The following NEDD4L variants were observed in gnomAD, a reference collection of about 807,000 sequenced individuals.
NEDD4L encodes the protein E3 ubiquitin-protein ligase NEDD4-like.
Under a neutral mutation model 148.9 loss-of-function variants are expected in NEDD4L, and 54 were observed. The ratio of observed to expected loss-of-function variants is 0.36; its 90% CI spans 0.29 to 0.45. The LOEUF (loss-of-function observed/expected upper bound fraction) is 0.45, where lower values mean the gene tolerates loss of function less well. NEDD4L is among the 20% of genes least tolerant of loss of function. The pLI, the probability that NEDD4L is intolerant of heterozygous loss-of-function variation, is 1.00. For synonymous variants in NEDD4L, 433 were observed against 440.7 expected (o/e 0.98, Z 0.22); for missense variants, 856 against 1,233.8 (o/e 0.69, Z 4.59).
chr18:58,391,477 T>C lies in NEDD4L; in HGVS notation c.2753-10T>C. Reference sequence around the variant, plus strand: ...GCAATCTTAACATTTCTTTTTCTTTTCTTGTCTAGGTTCCAATGGTCCTCA... The same window carrying C: ...GCAATCTTAACATTTCTTTTTCTTTCCTTGTCTAGGTTCCAATGGTCCTCA... On this transcript the variant is annotated splice_polypyrimidine_tract_variant and intron_variant, in intron 29 of 30. Transcript: ENST00000400345. The C allele has an allele frequency of 6.4e-7, 1 of 1,564,586 alleles. No individual in the cohort carries two copies.
intron 13 of NEDD4L, among the ~76,000 whole-genome samples, chr18:58,340,556 C>T (rs2145134895): frequency 6.6e-6 from 1 of 152,264 alleles, no homozygotes; most frequent in African/African-American, 2.4e-5. Flanking sequence ...CCAGAAGCTA[C>T]AGTGTTAGGG....
In NEDD4L at chr18:58,101,356, C is replaced by T. The variant is rs182547464; in HGVS notation, c.48+56648C>T. Among the ~76,000 whole-genome samples the T allele has an allele frequency of 1.7e-3, 264 of 152,288 alleles. 1 individual carries two copies. Among genetic ancestry groups the T allele is most frequent in the African/African-American group, 6.0e-3 (250 of 41,558 alleles). On this transcript the variant is annotated intron_variant, in intron 1 of 30. Transcript: ENST00000400345. ...GTGTTTCTCTGAGGGCGATGTCCTCCTCAGGGTCTGTGAATGGCTGAACTC... is the reference window on the plus strand; with the variant it reads ...GTGTTTCTCTGAGGGCGATGTCCTCTTCAGGGTCTGTGAATGGCTGAACTC...
At chr18:58,360,142 A>G (rs1345394439) in intron 19 of NEDD4L, 2 of 152,100 alleles carry the variant, frequency 1.3e-5, no homozygotes, top group East Asian at 3.8e-4. Context: ...TGTGTCTTAG[A>G]TGTTTTACAA....
At chr18:58,278,778 A>G (rs1324508265) in intron 5 of NEDD4L, among the ~76,000 whole-genome samples, 3 of 152,200 alleles carry the variant, frequency 2.0e-5, no homozygotes, top group South Asian at 2.1e-4. Context: ...TGTCATATCT[A>G]TCTCAAACTA....
At chr18:58,279,834 A>G (rs566723621) in intron 5 of NEDD4L, among the ~76,000 whole-genome samples, 224 of 152,352 alleles carry the variant, frequency 1.5e-3, no homozygotes, top group African/African-American at 5.1e-3. Flanking sequence ...CTGAATGTAC[A>G]TTAGACACAA....
intron 1 of NEDD4L, among the ~76,000 whole-genome samples, chr18:58,049,943 T>C (rs1236569885): frequency 7.5e-6 from 1 of 133,528 alleles, no homozygotes; most frequent in Non-Finnish European, 1.5e-5. Flanking sequence ...GCCACTGCAC[T>C]CTAGCCTGGG....
At chr18:58,094,415 G>C in intron 1 of NEDD4L, among the ~76,000 whole-genome samples, 1 of 151,846 alleles carries the variant, frequency 6.6e-6, no homozygotes, top group East Asian at 1.9e-4. Flanking sequence ...TCGAGCTCCC[G>C]GGCTCAAGCG....
At chr18:58,376,852 C>A (rs569662403) in intron 24 of NEDD4L, among the ~76,000 whole-genome samples, 1 of 152,188 alleles carries the variant, frequency 6.6e-6, no homozygotes, top group Non-Finnish European at 1.5e-5. Context: ...AATCACAGGC[C>A]CCACTGGGCT....
intron 1 of NEDD4L, chr18:58,045,993 G>A (rs2081561694): frequency 6.6e-6 from 1 of 151,860 alleles, no homozygotes; most frequent in Non-Finnish European, 1.5e-5. Flanking sequence ...ACCCTGGCAT[G>A]GTGTGTGTGT....
intron 1 of NEDD4L, among the ~76,000 whole-genome samples, chr18:58,126,571 G>A (rs1359076574): frequency 1.3e-5 from 2 of 152,106 alleles, no homozygotes; most frequent in African/African-American, 4.8e-5. Flanking sequence ...TCTACTTTTT[G>A]GTAGAATGAT....
At chr18:58,233,359 G>A (rs1224343987) in intron 2 of NEDD4L, among the ~76,000 whole-genome samples, 3 of 152,202 alleles carry the variant, frequency 2.0e-5, no homozygotes, top group African/African-American at 7.2e-5. Flanking sequence ...GGCCGGGGAG[G>A]CCTCACAATC....
intron 2 of NEDD4L, among the ~76,000 whole-genome samples, chr18:58,199,050 C>T (rs2041087002): frequency 6.6e-6 from 1 of 152,200 alleles, no homozygotes; most frequent in Admixed American, 6.5e-5. Context: ...CCTCGGTCTC[C>T]CAAAGTGCTG....
At position 58,220,400 on chromosome 18, in the gene NEDD4L, C is replaced by CAAA. The variant is rs36046684; in HGVS notation, c.123-25018_123-25016dup. 5.2e-3 allele frequency among the ~76,000 whole-genome samples: 769 copies of CAAA among 147,232 alleles called. 6 individuals carry two copies. Among genetic ancestry groups the CAAA allele is most frequent in the African/African-American group, 0.018 (735 of 40,156 alleles). On this transcript the variant is annotated intron_variant, in intron 2 of 30. Transcript: ENST00000400345. The stretch of plus-strand genomic sequence containing the variant: ...TGGGTGACAGAGTGAGACCCTATCT[C>CAAA]AAAAAAAAAAAGACTGAGAATGGTT...
intron 1 of NEDD4L, among the ~76,000 whole-genome samples, chr18:58,164,035 C>CT (rs34380629): frequency 0.097 from 13,736 of 142,254 alleles, 825 homozygotes; most frequent in Non-Finnish European, 0.14. Context: ...CATCCTGAGC[C>CT]TTTTTTTTTT....
chr18:58,312,126 G>A (rs1284910427), intron 5 of NEDD4L, among the ~76,000 whole-genome samples: 2 of 152,190 alleles, frequency 1.3e-5, no homozygotes, highest in Admixed American at 1.3e-4. Context: ...TGTTTCACCT[G>A]ATAGGACACG....
intron 5 of NEDD4L, among the ~76,000 whole-genome samples, chr18:58,259,935 G>T (rs73961543): frequency 0.023 from 3,439 of 152,250 alleles, 126 homozygotes; most frequent in African/African-American, 0.079. Context: ...GGGAAACTTT[G>T]AGTCTCTTTT....
At chr18:58,173,765 C>T (rs2037781507) in intron 2 of NEDD4L, among the ~76,000 whole-genome samples, 1 of 152,200 alleles carries the variant, frequency 6.6e-6, no homozygotes. Context: ...ACTGTTCTCA[C>T]AAAATTAAGA....
At chr18:58,294,682 T>C (rs1380531953) in intron 5 of NEDD4L, among the ~76,000 whole-genome samples, 1 of 123,808 alleles carries the variant, frequency 8.1e-6, no homozygotes, top group Non-Finnish European at 1.5e-5. Context: ...TGTTTTTGTC[T>C]TTTTTTTTTA....
At chr18:58,098,046 A>C (rs528531509) in intron 1 of NEDD4L, among the ~76,000 whole-genome samples, 47 of 152,320 alleles carry the variant, frequency 3.1e-4, no homozygotes, top group South Asian at 6.2e-4. Context: ...CAACAAAAAC[A>C]AAAACCAAAA....
Sources: allele counts gnomAD v4.1 joint callset (sites outside exome capture counted in the v4.1 genomes callset), GRCh38; gene constraint gnomAD v4.1.1; transcripts MANE v1.5; gene names NCBI Gene and HGNC (gene_info 2026-07-23, HGNC 2026-07-21).